FNIP1: variants seen among roughly 807,000 people sequenced by gnomAD.
FNIP1 encodes the protein folliculin interacting protein 1.
Under a neutral mutation model 124.5 loss-of-function variants are expected in FNIP1, and 40 were observed. The observed-to-expected ratio is 0.32, with a 90% CI of 0.25 to 0.42. FNIP1 has a LOEUF of 0.42. Among genes scored for constraint, FNIP1 ranks in the 10% least tolerant of loss-of-function variants. The pLI is 1.00. For missense variants in FNIP1, 1,176 were observed against 1,403.7 expected (o/e 0.84, Z 2.59); for synonymous variants, 472 against 470.6 (o/e 1.00, Z -0.04).
chr5:131,788,377 T>C (rs1001090947), intron 1 of FNIP1, among the ~76,000 whole-genome samples: 1 of 151,934 alleles, frequency 6.6e-6, no homozygotes, highest in African/African-American at 2.4e-5. Context: ...TAGTAAGAAG[T>C]GAGATCCAAG....
intron 2 of FNIP1, among the ~76,000 whole-genome samples, chr5:131,739,812 C>CAAAAAAAAAAA (rs60928249): frequency 6.4e-5 from 2 of 31,376 alleles, no homozygotes; most frequent in African/African-American, 1.0e-4. Context: ...GACTCCAGCT[C>CAAAAAAAAAAA]AAAAAAAAAA....
intron 3 of FNIP1, among the ~76,000 whole-genome samples, chr5:131,721,713 G>A (rs954609927): frequency 6.6e-6 from 1 of 152,324 alleles, no homozygotes; most frequent in African/African-American, 2.4e-5. Flanking sequence ...CAGGAGAATC[G>A]CTTGAGCCCA....
intron 6 of FNIP1, among the ~76,000 whole-genome samples, chr5:131,710,944 T>A (rs1390997134): frequency 6.6e-6 from 1 of 152,260 alleles, no homozygotes; most frequent in Non-Finnish European, 1.5e-5. Flanking sequence ...TTATTTTAAA[T>A]GTTCAATCCT....
intron 2 of FNIP1, among the ~76,000 whole-genome samples, chr5:131,734,647 C>T (rs894388512): frequency 2.0e-4 from 30 of 152,140 alleles, no homozygotes; most frequent in African/African-American, 6.3e-4. Flanking sequence ...AAAAAGTAGG[C>T]GAAGGATATG....
At chr5:131,749,972 T>C (rs1427336534) in intron 1 of FNIP1, among the ~76,000 whole-genome samples, 2 of 152,134 alleles carry the variant, frequency 1.3e-5, no homozygotes, top group Non-Finnish European at 2.9e-5. Flanking sequence ...CATTCACTGG[T>C]GCATGAGTGT....
intron 2 of FNIP1, among the ~76,000 whole-genome samples, chr5:131,742,053 A>C (rs1442270228): frequency 6.6e-6 from 1 of 152,220 alleles, no homozygotes; most frequent in Non-Finnish European, 1.5e-5. Context: ...CTTTTTTGAT[A>C]AAGCGAACAG....
At chr5:131,792,363 A>T (rs1043347336) in intron 1 of FNIP1, among the ~76,000 whole-genome samples, 1 of 152,008 alleles carries the variant, frequency 6.6e-6, no homozygotes, top group Non-Finnish European at 1.5e-5. Flanking sequence ...GTTTCACCAC[A>T]TTGGCCAGGC....
intron 16 of FNIP1, among the ~76,000 whole-genome samples, chr5:131,650,654 T>C (rs144716035): frequency 6.6e-6 from 1 of 152,338 alleles, no homozygotes; most frequent in Admixed American, 6.5e-5. Flanking sequence ...CAGTAGCATG[T>C]TGAACAGAAG....
At chr5:131,729,008 T>C (rs983341141) in intron 3 of FNIP1, among the ~76,000 whole-genome samples, 10 of 152,176 alleles carry the variant, frequency 6.6e-5, no homozygotes, top group African/African-American at 2.4e-4. Flanking sequence ...GTATCACCAC[T>C]GGAGGCTGCA....
At chr5:131,749,543 C>T (rs1236078363) in intron 1 of FNIP1, among the ~76,000 whole-genome samples, 1 of 152,170 alleles carries the variant, frequency 6.6e-6, no homozygotes, top group East Asian at 1.9e-4. Flanking sequence ...AGGCGTGTGC[C>T]ATCATGCCTG....
At chr5:131,706,651 C>T (rs904677480) in intron 8 of FNIP1, 105 bp from the exon 9 acceptor site, 30 of 1,163,410 alleles carry the variant, frequency 2.6e-5, no homozygotes, top group Non-Finnish European at 2.2e-5. Context: ...CTTTATTTTG[C>T]TTCATGAGCC....
intron 2 of FNIP1, among the ~76,000 whole-genome samples, chr5:131,733,127 G>GTT (rs1215450764): frequency 6.6e-6 from 1 of 152,046 alleles, no homozygotes; most frequent in African/African-American, 2.4e-5. Context: ...TTGGCTCTCT[G>GTT]TTTGTCTGTT....
At chr5:131,658,059 AG>A (rs1181451204) in intron 15 of FNIP1, among the ~76,000 whole-genome samples, 1 of 151,214 alleles carries the variant, frequency 6.6e-6, no homozygotes, top group African/African-American at 2.4e-5. Context: ...AAAAAAAAAA[AG>A]ATATGGATCT....
Position 131,796,912 on chromosome 5 carries a change from T to A in FNIP1, c.10A>T (p.Thr4Ser). 6.2e-7 allele frequency: 1 copy of A among 1,606,946 alleles called. No homozygotes were observed. The highest frequency in any genetic ancestry group is 2.2e-5 in the East Asian group (1 of 44,618). The change falls in exon 1 of 18, where the codon ACG becomes TCG. Residue 4 changes from threonine (T) to serine (S), a missense_variant. Thr to Ser is a moderately conservative substitution (Grantham distance 58). Transcript: ENST00000510461. ...TTGCTGAAGAGCTTCTGGAACAGCG[T>A]AGGGGCCATGCTAGCCACGGCCAGG... MAP[T>S]LFQKLFSKRT...
rs577723787 is a variant in FNIP1 at position 131,688,937 on chromosome 5, C to T, written c.1203-9762G>A. On this transcript the variant is annotated intron_variant, in intron 11 of 17. Coordinates refer to ENST00000510461, the MANE Select transcript of FNIP1 (RefSeq NM_133372.3). ...AAGTAAAATATATGAATAATAGCTTCGAATTAAAAAAAAATTAGTAACAGA... is the reference window on the plus strand; with the variant it reads ...AAGTAAAATATATGAATAATAGCTTTGAATTAAAAAAAAATTAGTAACAGA... Among the ~76,000 whole-genome samples, 50 of 151,340 alleles carry T rather than the reference C, an allele frequency of 3.3e-4. 1 individual carries two copies. The South Asian group carries it at 6.4e-3, about 19-fold the overall frequency.
At chr5:131,737,386 C>T (rs1368354027) in intron 2 of FNIP1, among the ~76,000 whole-genome samples, 1 of 152,090 alleles carries the variant, frequency 6.6e-6, no homozygotes, top group African/African-American at 2.4e-5. Flanking sequence ...ATGCTTTAGT[C>T]CTGGAACTGA....
intron 11 of FNIP1, among the ~76,000 whole-genome samples, chr5:131,693,346 A>ATC (rs1313240345): frequency 6.8e-5 from 9 of 131,826 alleles, no homozygotes; most frequent in Non-Finnish European, 1.5e-4. Flanking sequence ...ATATATATAT[A>ATC]TATATATATA....
intron 1 of FNIP1, among the ~76,000 whole-genome samples, chr5:131,758,194 T>A (rs2149570358): frequency 6.6e-6 from 1 of 152,326 alleles, no homozygotes; most frequent in East Asian, 1.9e-4. Context: ...TAAGTTTAAA[T>A]GGTAATAGTC....
chr5:131,708,728 T>C (rs1455550380), intron 8 of FNIP1, among the ~76,000 whole-genome samples: 1 of 152,086 alleles, frequency 6.6e-6, no homozygotes, highest in African/African-American at 2.4e-5. Flanking sequence ...ATTTTTTTAA[T>C]GTCCACCATG....
Sources: allele counts gnomAD v4.1 joint callset (sites outside exome capture counted in the v4.1 genomes callset), GRCh38; gene constraint gnomAD v4.1.1; transcripts MANE v1.5; gene names NCBI Gene and HGNC (gene_info 2026-07-23, HGNC 2026-07-21).